Variants in EPN2 observed in about 807,000 individuals in gnomAD.
The protein encoded by EPN2 is epsin 2.
In EPN2, 34 loss-of-function variants were observed where a neutral mutation model predicts 61.7. That is an observed-to-expected ratio of 0.55 (90% confidence interval 0.42 to 0.73). EPN2 has a LOEUF of 0.73. Ranked by LOEUF, EPN2 falls within the 30% of genes least tolerant of loss-of-function variation. The pLI, the probability that EPN2 is intolerant of heterozygous loss-of-function variation, is 0.00. For missense variants in EPN2, 714 were observed against 839.2 expected (o/e 0.85, Z 1.84); for synonymous variants, 349 against 353.6 (o/e 0.99, Z 0.15).
intron 4 of EPN2, among the ~76,000 whole-genome samples, chr17:19,292,033 G>T (rs1188992920): frequency 6.6e-6 from 1 of 152,146 alleles, no homozygotes; most frequent in East Asian, 1.9e-4. Flanking sequence ...ATCTGAAAAG[G>T]GAGTCCTACA....
intron 2 of EPN2, 40 bp from the exon 3 acceptor site, chr17:19,282,910 G>GT: frequency 3.8e-6 from 2 of 527,298 alleles, no homozygotes; most frequent in Non-Finnish European, 6.7e-6. Context: ...CCCTCACAGG[G>GT]GGCTTACGTC....
At chr17:19,329,152 C>T (rs1351555394) in intron 8 of EPN2, 2 of 476,906 alleles carry the variant, frequency 4.2e-6, no homozygotes, top group Non-Finnish European at 7.4e-6. Context: ...CTGCCCTGGG[C>T]CCACAGCCTG....
At chr17:19,295,182 C>G (rs573366673) in intron 4 of EPN2, among the ~76,000 whole-genome samples, 5 of 152,240 alleles carry the variant, frequency 3.3e-5, no homozygotes, top group African/African-American at 1.2e-4. Flanking sequence ...CGTGCTGTAT[C>G]CCTAGTGTCT....
chr17:19,317,422 G>C (rs548288213), intron 7 of EPN2, among the ~76,000 whole-genome samples: 7 of 152,342 alleles, frequency 4.6e-5, no homozygotes, highest in African/African-American at 1.7e-4. Context: ...CTGGGACAGA[G>C]GCTGTCTTCC....
chr17:19,271,430 T>G (rs1258669278), intron 1 of EPN2: 1 of 152,270 alleles, frequency 6.6e-6, no homozygotes, highest in African/African-American at 2.4e-5. Context: ...GTGCAGCATG[T>G]GGGTGGCACA....
intron 9 of EPN2, 72 bp downstream of exon 9, chr17:19,329,719 A>G: frequency 2.1e-6 from 2 of 940,276 alleles, no homozygotes; most frequent in Non-Finnish European, 3.4e-6. Flanking sequence ...AGAAATAATA[A>G]TCAGCTTTCA....
At chr17:19,251,680 C>T (rs1009717167) in intron 1 of EPN2, among the ~76,000 whole-genome samples, 30 of 152,202 alleles carry the variant, frequency 2.0e-4, no homozygotes, top group African/African-American at 7.0e-4. Context: ...GTGATCTGCC[C>T]ACCTTGGCTT....
intron 1 of EPN2, among the ~76,000 whole-genome samples, chr17:19,275,955 A>AG (rs2152214208): frequency 6.6e-6 from 1 of 152,350 alleles, no homozygotes; most frequent in East Asian, 1.9e-4. Context: ...GGCCACCTCA[A>AG]GCATTCAGTT....
rs147535814 is a variant in EPN2, at chr17:19,277,810, C to T, written c.-293-4145C>T. On this transcript the variant is annotated intron_variant, in intron 1 of 10. Coordinates refer to ENST00000314728, the MANE Select transcript of EPN2 (RefSeq NM_014964.5). Reference sequence around the variant, plus strand: ...AGCTTTGGCCGGGCGCGGTGGCTCACGCCTGTAATCCCAGCACTCTGGGAG... The same window carrying T: ...AGCTTTGGCCGGGCGCGGTGGCTCATGCCTGTAATCCCAGCACTCTGGGAG... 8.7e-3 allele frequency among the ~76,000 whole-genome samples: 1,325 copies of T among 152,262 alleles called. 9 individuals are homozygous for T. Among genetic ancestry groups the T allele is most frequent in the Middle Eastern group, 0.037 (11 of 294 alleles).
rs946128237 is a variant in EPN2, at chr17:19,334,599, G to A, written c.*345G>A. 3.5e-5 allele frequency: 7 copies of A among 200,328 alleles called. No individual in the cohort carries two copies. The highest frequency in any genetic ancestry group is 5.0e-5 in the Non-Finnish European group (5 of 100,412). 12.4% of individuals were successfully genotyped at this position (200,328 alleles called of 1,614,324 possible). ...GTTGCCTGGCCCAGGACTTGGGACA[G>A]TGGCCTTGTCTTTGTCCTCCCCACC... On this transcript the variant is annotated 3_prime_UTR_variant, in exon 11 of 11. Transcript: ENST00000314728. This position sits in a 1 kb window ranked among gnomAD's most constrained non-coding sequence, Gnocchi z 4.9.
chr17:19,313,614 AG>A, intron 7 of EPN2: 1 of 279,148 alleles, frequency 3.6e-6, no homozygotes, highest in Non-Finnish European at 6.7e-6. Flanking sequence ...TCCCAGCTGA[AG>A]GAACCAAAAT....
chr17:19,263,387 TAAG>T (rs980371536), intron 1 of EPN2, among the ~76,000 whole-genome samples: 5 of 152,116 alleles, frequency 3.3e-5, no homozygotes, highest in East Asian at 1.9e-4. Flanking sequence ...CGTTCACTAG[TAAG>T]GAGGGAGTTC....
chr17:19,300,395 G>T (rs1244799116), intron 4 of EPN2, among the ~76,000 whole-genome samples: 1 of 149,358 alleles, frequency 6.7e-6, no homozygotes, highest in East Asian at 2.0e-4. Flanking sequence ...AGGTAAGTAT[G>T]TGCTCTTACA....
At chr17:19,289,332 C>T (rs1026725692) in intron 4 of EPN2, among the ~76,000 whole-genome samples, 15 of 152,052 alleles carry the variant, frequency 9.9e-5, no homozygotes, top group Non-Finnish European at 2.1e-4. Flanking sequence ...GATCCGCCCA[C>T]CTTGGCCTCC....
intron 1 of EPN2, among the ~76,000 whole-genome samples, chr17:19,265,838 C>T (rs1047941313): frequency 1.3e-5 from 2 of 152,236 alleles, no homozygotes; most frequent in African/African-American, 4.8e-5. Flanking sequence ...CTGCCTTCGT[C>T]TGGAACCTCT....
chr17:19,322,044 C>T (rs1258226541), intron 7 of EPN2, among the ~76,000 whole-genome samples: 2 of 152,168 alleles, frequency 1.3e-5, no homozygotes, highest in African/African-American at 4.8e-5. Context: ...CTGATAGCCC[C>T]TTCCCCATGT....
chr17:19,264,293 A>T (rs1036278264), intron 1 of EPN2, among the ~76,000 whole-genome samples: 1 of 152,240 alleles, frequency 6.6e-6, no homozygotes, highest in Admixed American at 6.5e-5. Context: ...TATGCTGTTA[A>T]ATTTAGTGCG....
chr17:19,237,994 G>A (rs978331126), intron 1 of EPN2, among the ~76,000 whole-genome samples: 2 of 152,192 alleles, frequency 1.3e-5, no homozygotes, highest in African/African-American at 4.8e-5. Flanking sequence ...GCAGAGCCCG[G>A]TCCGGGCGCC....
At chr17:19,287,320 G>A (rs1162456716) in intron 4 of EPN2, among the ~76,000 whole-genome samples, 1 of 152,086 alleles carries the variant, frequency 6.6e-6, no homozygotes, top group African/African-American at 2.4e-5. Flanking sequence ...GCCCTGATAG[G>A]AGTTGAAGAT....
Sources: gnomAD v4.1 joint callset for allele counts (sites outside exome capture counted in the v4.1 genomes callset) on GRCh38, gnomAD v4.1.1 for gene constraint, Gnocchi (gnomAD v3.1) non-coding constraint, MANE v1.5 for transcripts, NCBI Gene and HGNC (gene_info 2026-07-23, HGNC 2026-07-21) for gene names.